Variants in CAGE1 observed in about 807,000 individuals in gnomAD.
CAGE1 encodes the protein cancer antigen 1.
Under a neutral mutation model 94.9 loss-of-function variants are expected in CAGE1, and 66 were observed. That is an observed-to-expected ratio of 0.70 (90% confidence interval 0.57 to 0.85). The LOEUF (loss-of-function observed/expected upper bound fraction) is 0.85, where lower values mean the gene tolerates loss of function less well. Ranked by LOEUF, CAGE1 falls within the 40% of genes least tolerant of loss-of-function variation. CAGE1 has a pLI of 0.00. For missense variants in CAGE1, 865 were observed against 950.4 expected, an observed-to-expected ratio of 0.91 and a Z score of 1.18; for synonymous variants, 319 against 321.0, an observed-to-expected ratio of 0.99 and a Z score of 0.07.
chr6:7,358,029 T>TATAG (rs1554138213), intron 9 of CAGE1, among the ~76,000 whole-genome samples: 49 of 13,578 alleles, frequency 3.6e-3, no homozygotes, highest in African/African-American at 0.015. Context: ...AGTTTTGAGA[T>TATAG]ATATATATAT....
chr6:7,329,455 A>G (rs1758667491), intron 13 of CAGE1, among the ~76,000 whole-genome samples: 1 of 152,172 alleles, frequency 6.6e-6, no homozygotes, highest in East Asian at 1.9e-4. Context: ...ATTGGGAACC[A>G]CTGAAGGGCT....
intron 11 of CAGE1, among the ~76,000 whole-genome samples, chr6:7,353,371 TAA>T (rs892350840): frequency 1.3e-5 from 2 of 152,046 alleles, no homozygotes; most frequent in African/African-American, 4.8e-5. Flanking sequence ...ATGGCCATAA[TAA>T]AAAAATCAAA....
intron 11 of CAGE1, among the ~76,000 whole-genome samples, chr6:7,344,465 T>TC (rs1413178271): frequency 6.6e-6 from 1 of 152,196 alleles, no homozygotes; most frequent in African/African-American, 2.4e-5. Context: ...AGGGCAGGAT[T>TC]CGGGACCTAC....
At chr6:7,369,855 T>G in intron 6 of CAGE1, 64 bp downstream of exon 6, 1 of 1,453,610 alleles carries the variant, frequency 6.9e-7, no homozygotes, top group South Asian at 1.4e-5. Flanking sequence ...ATTGCCTCTC[T>G]TTTTGTCCAA....
chr6:7,367,317 TTGTTTTGAGACAG>T (rs1445878822), intron 7 of CAGE1, among the ~76,000 whole-genome samples: 2 of 150,220 alleles, frequency 1.3e-5, no homozygotes, highest in South Asian at 2.1e-4. Context: ...TATTGTTTGT[TTGTTTTGAGACAG>T]TGTTTTGAGA....
At chr6:7,372,781 A>G (rs928460249) in intron 5 of CAGE1, among the ~76,000 whole-genome samples, 7 of 151,984 alleles carry the variant, frequency 4.6e-5, no homozygotes, top group African/African-American at 1.7e-4. Flanking sequence ...TAATTCCCCC[A>G]TCTCAACCTC....
chr6:7,327,354 CA>C (rs1214794453), intron 13 of CAGE1, among the ~76,000 whole-genome samples: 4 of 152,068 alleles, frequency 2.6e-5, no homozygotes, highest in African/African-American at 9.7e-5. Context: ...GGGGTTTTGC[CA>C]TGTTGTCCAG....
chr6:7,338,518 G>GTT (rs766074241), intron 11 of CAGE1, among the ~76,000 whole-genome samples: 1 of 151,978 alleles, frequency 6.6e-6, no homozygotes, highest in Non-Finnish European at 1.5e-5. Context: ...CTCTTTTTTA[G>GTT]TTTTTTAAAT....
At chr6:7,386,369 A>AT (rs1761121468) in intron 2 of CAGE1, among the ~76,000 whole-genome samples, 1 of 152,138 alleles carries the variant, frequency 6.6e-6, no homozygotes, top group African/African-American at 2.4e-5. Context: ...ACAATCTTTT[A>AT]TTTTTTAATA....
At chr6:7,344,280 T>C (rs183196291) in intron 11 of CAGE1, among the ~76,000 whole-genome samples, 2 of 152,140 alleles carry the variant, frequency 1.3e-5, no homozygotes, top group Non-Finnish European at 2.9e-5. Flanking sequence ...GAGTTCCGGG[T>C]AGGCGTGGGC....
intron 5 of CAGE1, among the ~76,000 whole-genome samples, chr6:7,372,344 G>A (rs1022428116): frequency 2.0e-5 from 3 of 151,768 alleles, no homozygotes; most frequent in Non-Finnish European, 4.4e-5. Context: ...GGTGGCGCAC[G>A]CCTGTAATCC....
intron 9 of CAGE1, among the ~76,000 whole-genome samples, chr6:7,361,214 A>C (rs1283800092): frequency 9.2e-5 from 14 of 152,156 alleles, no homozygotes; most frequent in Non-Finnish European, 1.9e-4. Context: ...TGAGATCTCT[A>C]AGGAAGTTCT....
At chr6:7,364,906 A>G (rs556671746) in intron 9 of CAGE1, among the ~76,000 whole-genome samples, 41 of 152,360 alleles carry the variant, frequency 2.7e-4, no homozygotes, top group African/African-American at 9.4e-4. Flanking sequence ...TTTAAAAAAT[A>G]TGATGGTAGA....
In CAGE1 at chr6:7,369,213, G is replaced by A. The variant is rs367607061; in HGVS notation, c.1894-415C>T. ...AGTAGAGATGGGGTTTCACTATGTT[G>A]GCCAGGCTGGTCTCGAACTCCTGAC... is the stretch of plus-strand genomic sequence containing the variant. On this transcript the variant is annotated intron_variant, in intron 6 of 13. Coordinates refer to ENST00000502583, the MANE Select transcript of CAGE1 (RefSeq NM_001170692.2). Among the ~76,000 whole-genome samples the A allele has an allele frequency of 2.6e-3, 401 of 152,032 alleles. 3 individuals carry two copies. The highest frequency in any genetic ancestry group is 9.2e-3 in the African/African-American group (381 of 41,462).
intron 11 of CAGE1, among the ~76,000 whole-genome samples, chr6:7,336,610 A>G (rs544038875): frequency 1.4e-4 from 22 of 152,306 alleles, no homozygotes; most frequent in African/African-American, 5.1e-4. Flanking sequence ...CCCTGGTTCA[A>G]GTGATTCTCA....
chr6:7,339,367 C>T lies in CAGE1; in HGVS notation c.2370-5277G>A, dbSNP rs1191231877. 1.1e-5 allele frequency: 18 copies of T among 1,608,492 alleles called. No individual in the cohort carries two copies. The highest frequency in any genetic ancestry group is 3.7e-4 in the Middle Eastern group (2 of 5,364). On this transcript the variant is annotated intron_variant, in intron 11 of 13. Transcript: ENST00000502583. The surrounding 1 kb of genome is among the most constrained non-coding windows in gnomAD (Gnocchi z 4.7). ...CTCTTCTGAACTACAGCAGTCAGTT[C>T]CCGAATCCGCCGGCCCTTCTCACCA...
intron 5 of CAGE1, among the ~76,000 whole-genome samples, chr6:7,372,700 GCT>G (rs768731349): frequency 6.6e-5 from 10 of 151,604 alleles, no homozygotes; most frequent in Non-Finnish European, 1.2e-4. Context: ...ACAGAATCTT[GCT>G]CTGTCACCCA....
intron 1 of CAGE1, among the ~76,000 whole-genome samples, chr6:7,388,090 T>C (rs1761190531): frequency 6.6e-6 from 1 of 150,772 alleles, no homozygotes; most frequent in Non-Finnish European, 1.5e-5. Flanking sequence ...TTCCATCCCA[T>C]GTTGCCACAC....
chr6:7,329,752 T>C, intron 13 of CAGE1, 97 bp downstream of exon 13: 2 of 661,736 alleles, frequency 3.0e-6, no homozygotes, highest in Non-Finnish European at 5.5e-6. Context: ...TTGCACAGTA[T>C]GGAAATGTGA....
Sources: allele counts gnomAD v4.1 joint callset (sites outside exome capture counted in the v4.1 genomes callset), GRCh38; gene constraint gnomAD v4.1.1; non-coding constraint Gnocchi (gnomAD v3.1); transcripts MANE v1.5; gene names NCBI Gene and HGNC (gene_info 2026-07-23, HGNC 2026-07-21).